Variants in EPS8 observed in about 807,000 individuals in gnomAD.
EPS8 encodes epidermal growth factor receptor kinase substrate 8.
In EPS8, 42 loss-of-function variants were observed where a neutral mutation model predicts 103.8. The observed-to-expected ratio is 0.40, with a 90% CI of 0.32 to 0.52. EPS8 has a LOEUF of 0.52. Among genes scored for constraint, EPS8 ranks in the 20% least tolerant of loss-of-function variants. The probability of loss-of-function intolerance (pLI) is 0.40; values close to 1 mark genes in which losing one functional copy is unlikely to be tolerated. For synonymous variants in EPS8, 344 were observed against 344.6 expected (o/e 1.00, Z 0.02); for missense variants, 969 against 1,005.1 (o/e 0.96, Z 0.49).
rs1946122437 is a variant in EPS8, at chr12:15,688,260, G to T, written c.-21-5288C>A. Among the ~76,000 whole-genome samples, 2 of 152,122 alleles carry T rather than the reference G, an allele frequency of 1.3e-5. No homozygotes were observed. Among genetic ancestry groups the T allele is most frequent in the South Asian group, 4.1e-4 (2 of 4,820 alleles). ...AGCTAGTTATTGGCTCTATTTTATGGGTGAGATGACAGCCTCAAGGCGGTT... is the reference window on the plus strand; with the variant it reads ...AGCTAGTTATTGGCTCTATTTTATGTGTGAGATGACAGCCTCAAGGCGGTT... On this transcript the variant is annotated intron_variant, in intron 1 of 20. Transcript: ENST00000281172. The surrounding 1 kb of genome is among the most constrained non-coding windows in gnomAD (Gnocchi z 5.1).
chr12:15,702,916 C>T lies in EPS8; in HGVS notation c.-21-19944G>A, dbSNP rs1008096772. ...CTTTAATCCCAGCACTTTGGGAGGC[C>T]GAGGTGGGTGGATCACAAGGTCAGG... On this transcript the variant is annotated intron_variant, in intron 1 of 20. Coordinates refer to ENST00000281172, the MANE Select transcript of EPS8 (RefSeq NM_004447.6). The surrounding 1 kb of genome is among the most constrained non-coding windows in gnomAD (Gnocchi z 5.1). Among the ~76,000 whole-genome samples, 4 of 152,080 alleles carry T rather than the reference C, an allele frequency of 2.6e-5. No homozygotes were observed. Among genetic ancestry groups the T allele is most frequent in the African/African-American group, 7.2e-5 (3 of 41,410 alleles).
intron 1 of EPS8, chr12:15,732,794 T>C (rs1946731297): frequency 2.0e-6 from 2 of 979,158 alleles, no homozygotes; most frequent in Non-Finnish European, 2.4e-6. Context: ...CACAGGAGAA[T>C]AAAACTCTTG....
rs1947150298 is a variant in EPS8 at position 15,771,172 on chromosome 12, TATAGAG to T, written c.-22+17983_-22+17988del. Among the ~76,000 whole-genome samples, 2 of 152,214 alleles carry T rather than the reference TATAGAG, an allele frequency of 1.3e-5. No homozygotes were observed. Among genetic ancestry groups the T allele is most frequent in the African/African-American group, 4.8e-5 (2 of 41,454 alleles). On this transcript the variant is annotated intron_variant, in intron 1 of 20. Coordinates refer to ENST00000281172, the MANE Select transcript of EPS8 (RefSeq NM_004447.6). The surrounding 1 kb of genome is among the most constrained non-coding windows in gnomAD (Gnocchi z 4.6). ...CCTTAACTGATGGATTCGATTTGTA[TATAGAG>T]ATAAATTAAAAAGTTATTCCAAATA...
At position 15,688,404 on chromosome 12, in the gene EPS8, A is replaced by G. The variant is rs1297503576; in HGVS notation, c.-21-5432T>C. On this transcript the variant is annotated intron_variant, in intron 1 of 20. Coordinates refer to ENST00000281172, the MANE Select transcript of EPS8 (RefSeq NM_004447.6). This position sits in a 1 kb window ranked among gnomAD's most constrained non-coding sequence, Gnocchi z 5.1. ...AGGCGGGGTCACTGGTTAGGGCTCC[A>G]CCCCCATGGACCTAGATGAGGACAG... 3.3e-5 allele frequency among the ~76,000 whole-genome samples: 5 copies of G among 151,902 alleles called. No homozygotes were observed. The highest frequency in any genetic ancestry group is 9.7e-5 in the African/African-American group (4 of 41,350).
intron 18 of EPS8, among the ~76,000 whole-genome samples, chr12:15,627,516 CAGATAA>C (rs1322839611): frequency 6.6e-6 from 1 of 151,706 alleles, no homozygotes; most frequent in Non-Finnish European, 1.5e-5. Flanking sequence ...CTTACATAAC[CAGATAA>C]GAAAATGAAG....
At position 15,627,478 on chromosome 12, in the gene EPS8, G is replaced by A. The variant is rs546137984; in HGVS notation, c.2045-3071C>T. Among the ~76,000 whole-genome samples the A allele has an allele frequency of 1.1e-3, 160 of 152,092 alleles. 1 individual carries two copies. The highest frequency in any genetic ancestry group is 3.6e-3 in the African/African-American group (151 of 41,506). ...GGCATTCTGCTGACTTTTTCACCGA[G>A]ACTTTGAGAATCATCATGTACAAAC... On this transcript the variant is annotated intron_variant, in intron 18 of 20. Transcript: ENST00000281172.
chr12:15,739,769 TATCC>T (rs1311789460), intron 1 of EPS8, among the ~76,000 whole-genome samples: 1 of 152,030 alleles, frequency 6.6e-6, no homozygotes, highest in Admixed American at 6.6e-5. Context: ...CCTTATCATC[TATCC>T]ATCCATCCAT....
intron 1 of EPS8, among the ~76,000 whole-genome samples, chr12:15,686,449 T>C (rs150538306): frequency 4.6e-5 from 7 of 152,306 alleles, no homozygotes; most frequent in Non-Finnish European, 1.0e-4. Context: ...ACAGCATCAA[T>C]TTCCTTATGA....
chr12:15,731,461 C>A lies in EPS8; in HGVS notation c.-21-48489G>T, dbSNP rs1404457824. On this transcript the variant is annotated intron_variant, in intron 1 of 20. Coordinates refer to ENST00000281172, the MANE Select transcript of EPS8 (RefSeq NM_004447.6). This position sits in a 1 kb window ranked among gnomAD's most constrained non-coding sequence, Gnocchi z 5.1. ...TACAGGTGCCTGCCACCACGCCTGG[C>A]TAATTTTTGTATTTTTAGTAGAAAC... is the stretch of plus-strand genomic sequence containing the variant. 6.6e-6 allele frequency among the ~76,000 whole-genome samples: 1 copy of A among 152,224 alleles called. No individual in the cohort carries two copies. Among genetic ancestry groups the A allele is most frequent in the African/African-American group, 2.4e-5 (1 of 41,538 alleles).
chr12:15,670,529 C>A (rs988768318), intron 4 of EPS8, among the ~76,000 whole-genome samples: 36 of 152,040 alleles, frequency 2.4e-4, no homozygotes, highest in Admixed American at 2.4e-3. Flanking sequence ...AAACTAAAAA[C>A]TAAATTGCTC....
intron 15 of EPS8, among the ~76,000 whole-genome samples, chr12:15,646,800 G>A (rs575730332): frequency 6.6e-6 from 1 of 152,304 alleles, no homozygotes; most frequent in Admixed American, 6.5e-5. Flanking sequence ...AGAACTGGAA[G>A]GATCCTCAGA....
intron 6 of EPS8, among the ~76,000 whole-genome samples, chr12:15,668,644 G>T (rs528633830): frequency 6.6e-6 from 1 of 152,186 alleles, no homozygotes; most frequent in South Asian, 2.1e-4. Flanking sequence ...TATCATCTGG[G>T]AATTACAAAT....
chr12:15,689,369 T>A (rs1422507913), intron 1 of EPS8, among the ~76,000 whole-genome samples: 2 of 152,130 alleles, frequency 1.3e-5, no homozygotes, highest in Non-Finnish European at 2.9e-5. Context: ...CAGCACCACA[T>A]GCTAAATTAG....
At chr12:15,682,041 T>A (rs1946017970) in intron 2 of EPS8, among the ~76,000 whole-genome samples, 1 of 152,036 alleles carries the variant, frequency 6.6e-6, no homozygotes, top group African/African-American at 2.4e-5. Flanking sequence ...TAACTCTTCA[T>A]CAACATATCT....
Position 15,762,726 on chromosome 12 carries a change from A to C in EPS8, c.-22+26435T>G, listed in dbSNP as rs1947054557. Among the ~76,000 whole-genome samples the C allele has an allele frequency of 6.6e-6, 1 of 152,212 alleles. No individual in the cohort carries two copies. The highest frequency in any genetic ancestry group is 2.4e-5 in the African/African-American group (1 of 41,464). ...ATTTGCAGAATCTAGAAATAAAAAC[A>C]ATTGAACTCATGGAGAGAGAGTATA... On this transcript the variant is annotated intron_variant, in intron 1 of 20. Transcript: ENST00000281172. The surrounding 1 kb of genome is among the most constrained non-coding windows in gnomAD (Gnocchi z 4.8).
rs148666463 is a variant in EPS8 at position 15,749,008 on chromosome 12, C to T, written c.-22+40153G>A. Among the ~76,000 whole-genome samples, 417 of 152,230 alleles carry T rather than the reference C, an allele frequency of 2.7e-3. 5 individuals carry two copies. Among genetic ancestry groups the T allele is most frequent in the African/African-American group, 8.5e-3 (353 of 41,526 alleles). Reference sequence around the variant, plus strand: ...CCAGCAAAAGCAAATACTGAGACAACTGATGCTAGAGAGAACTTAAGGCCC... The same window carrying T: ...CCAGCAAAAGCAAATACTGAGACAATTGATGCTAGAGAGAACTTAAGGCCC... On this transcript the variant is annotated intron_variant, in intron 1 of 20. Transcript: ENST00000281172. This position sits in a 1 kb window ranked among gnomAD's most constrained non-coding sequence, Gnocchi z 4.0.
In EPS8 at chr12:15,762,985, C is replaced by G. The variant is rs890339474; in HGVS notation, c.-22+26176G>C. The stretch of plus-strand genomic sequence containing the variant: ...GTAAATGCTTGAGGAATAGATAGCC[C>G]ATTTTCCATGATGTGATTATTATGT... On this transcript the variant is annotated intron_variant, in intron 1 of 20. Coordinates refer to ENST00000281172, the MANE Select transcript of EPS8 (RefSeq NM_004447.6). The surrounding 1 kb of genome is among the most constrained non-coding windows in gnomAD (Gnocchi z 4.8). Among the ~76,000 whole-genome samples, 6 of 152,068 alleles carry G rather than the reference C, an allele frequency of 3.9e-5. No individual in the cohort carries two copies. In the East Asian group the frequency reaches 5.8e-4, roughly 15 times the overall value.
At chr12:15,627,793 T>G (rs561844813) in intron 18 of EPS8, among the ~76,000 whole-genome samples, 1 of 152,286 alleles carries the variant, frequency 6.6e-6, no homozygotes, top group South Asian at 2.1e-4. Context: ...GTCTGTGTAT[T>G]TTAAAATATG....
intron 1 of EPS8, among the ~76,000 whole-genome samples, chr12:15,724,154 C>G (rs1946627809): frequency 6.6e-6 from 1 of 151,964 alleles, no homozygotes; most frequent in Non-Finnish European, 1.5e-5. Context: ...TCTCAGACTC[C>G]CAGGATAAAC....
Sources: allele counts gnomAD v4.1 joint callset (sites outside exome capture counted in the v4.1 genomes callset), GRCh38; gene constraint gnomAD v4.1.1; non-coding constraint Gnocchi (gnomAD v3.1); transcripts MANE v1.5; gene names NCBI Gene and HGNC (gene_info 2026-07-23, HGNC 2026-07-21).